PPARGC1A: variants seen among roughly 807,000 people sequenced by gnomAD.
PPARGC1A encodes peroxisome proliferator-activated receptor gamma coactivator 1-alpha.
PPARGC1A carries 25 observed loss-of-function variants against 88.7 expected under a neutral mutation model. The ratio of observed to expected loss-of-function variants is 0.28; its 90% confidence interval spans 0.21 to 0.39. PPARGC1A has a LOEUF of 0.39. Ranked by LOEUF, PPARGC1A falls within the 10% of genes least tolerant of loss-of-function variation. The pLI is 1.00. For missense variants in PPARGC1A, 880 were observed against 968.7 expected (o/e 0.91, Z 1.22); for synonymous variants, 363 against 355.6 (o/e 1.02, Z -0.24).
At chr4:24,119,651 C>CT in the PPARGC1A span, among the ~76,000 whole-genome samples, 6,193 of 152,044 alleles carry the variant, frequency 0.041, 365 homozygotes, top group African/African-American at 0.12. Flanking sequence ...TATAAATTAA[C>CT]GATTGGAGGA....
the PPARGC1A span, among the ~76,000 whole-genome samples, chr4:24,287,567 C>A: frequency 4.2e-4 from 64 of 151,498 alleles, no homozygotes; most frequent in African/African-American, 1.5e-3. Context: ...AAGAAAGTGG[C>A]CCTCTAGTGC....
the PPARGC1A span, among the ~76,000 whole-genome samples, chr4:24,000,720 TTGA>T: frequency 3.9e-5 from 6 of 152,310 alleles, no homozygotes; most frequent in African/African-American, 1.4e-4. Context: ...CATCCACGAT[TTGA>T]TGATAAATCA....
At chr4:24,189,614 C>T in the PPARGC1A span, among the ~76,000 whole-genome samples, 4 of 152,126 alleles carry the variant, frequency 2.6e-5, no homozygotes, top group African/African-American at 9.7e-5. Context: ...TTTTCACTTA[C>T]ATTCCTTGTA....
the PPARGC1A span, among the ~76,000 whole-genome samples, chr4:23,983,653 T>G: frequency 6.6e-6 from 1 of 151,984 alleles, no homozygotes; most frequent in African/African-American, 2.4e-5. Context: ...GCCTTATGCA[T>G]AGAAATATTA....
chr4:24,038,338 G>A, the PPARGC1A span, among the ~76,000 whole-genome samples: 4 of 152,176 alleles, frequency 2.6e-5, no homozygotes, highest in African/African-American at 9.7e-5. Context: ...CAGAGAGATT[G>A]ACCTGGGTGC....
chr4:24,333,811 G>A, the PPARGC1A span, among the ~76,000 whole-genome samples: 1 of 151,192 alleles, frequency 6.6e-6, no homozygotes, highest in South Asian at 2.1e-4. Flanking sequence ...GCGGGTGCCT[G>A]TAACCCCATC....
chr4:24,201,506 C>T, the PPARGC1A span, among the ~76,000 whole-genome samples: 4 of 152,342 alleles, frequency 2.6e-5, no homozygotes, highest in Middle Eastern at 6.8e-3. Flanking sequence ...AGAAGCACTT[C>T]AGCCAAGTTT....
chr4:24,340,670 G>A, the PPARGC1A span, among the ~76,000 whole-genome samples: 1 of 152,036 alleles, frequency 6.6e-6, no homozygotes, highest in Non-Finnish European at 1.5e-5. Flanking sequence ...AGTATCATTT[G>A]CCATGATGGC....
At chr4:24,160,727 T>C in the PPARGC1A span, among the ~76,000 whole-genome samples, 63 of 152,330 alleles carry the variant, frequency 4.1e-4, no homozygotes, top group Admixed American at 4.1e-3. Flanking sequence ...TCAGGGACCC[T>C]TGTTCTTCAT....
the PPARGC1A span, among the ~76,000 whole-genome samples, chr4:23,962,085 A>C: frequency 6.6e-6 from 1 of 152,210 alleles, no homozygotes; most frequent in African/African-American, 2.4e-5. Flanking sequence ...AGAAAGCCAA[A>C]TGAGCCCATC....
chr4:24,209,949 C>T, the PPARGC1A span, among the ~76,000 whole-genome samples: 1 of 152,004 alleles, frequency 6.6e-6, no homozygotes, highest in East Asian at 1.9e-4. Context: ...AGATCAAATC[C>T]CCAACTTAGC....
At chr4:23,954,946 A>G in the PPARGC1A span, among the ~76,000 whole-genome samples, 1 of 152,088 alleles carries the variant, frequency 6.6e-6, no homozygotes, top group Non-Finnish European at 1.5e-5. Flanking sequence ...TCTTTTCACT[A>G]AGCATCGCTG....
the PPARGC1A span, among the ~76,000 whole-genome samples, chr4:24,416,332 A>G: frequency 0.75 from 113,549 of 151,338 alleles, 42,772 homozygotes; most frequent in East Asian, 0.78. Flanking sequence ...GGATCAATCA[A>G]AGCAGTGACC....
the PPARGC1A span, among the ~76,000 whole-genome samples, chr4:24,333,991 A>G: frequency 2.0e-5 from 3 of 151,460 alleles, no homozygotes; most frequent in Admixed American, 2.0e-4. Flanking sequence ...GTCAGAACAT[A>G]GAAACTAGTC....
At chr4:24,171,145 C>T in the PPARGC1A span, among the ~76,000 whole-genome samples, 1 of 152,148 alleles carries the variant, frequency 6.6e-6, no homozygotes. Flanking sequence ...GGCGCGGTGG[C>T]TCACGCCTGT....
At chr4:24,456,230 T>C in the PPARGC1A span, among the ~76,000 whole-genome samples, 15 of 152,224 alleles carry the variant, frequency 9.9e-5, no homozygotes, top group Admixed American at 3.3e-4. Context: ...AACTGATGCA[T>C]TGAAGTCCTG....
chr4:23,821,592 TAAG>T (rs1723024020), intron 7 of PPARGC1A, among the ~76,000 whole-genome samples: 1 of 152,020 alleles, frequency 6.6e-6, no homozygotes, highest in South Asian at 2.1e-4. Context: ...GTTGGAAAGA[TAAG>T]AAGTAAGGTA....
chr4:24,249,210 G>T, the PPARGC1A span, among the ~76,000 whole-genome samples: 1 of 151,680 alleles, frequency 6.6e-6, no homozygotes, highest in African/African-American at 2.4e-5. Flanking sequence ...AAACTTCCCA[G>T]ATATAAATAA....
At chr4:23,882,465 G>A (rs1716132142) in intron 2 of PPARGC1A, among the ~76,000 whole-genome samples, 1 of 152,052 alleles carries the variant, frequency 6.6e-6, no homozygotes, top group South Asian at 2.1e-4. Context: ...TGTCCTGTAG[G>A]CTGTTGGATG....
Sources: gnomAD v4.1 joint callset for allele counts (sites outside exome capture counted in the v4.1 genomes callset) on GRCh38, gnomAD v4.1.1 for gene constraint, MANE v1.5 for transcripts, NCBI Gene and HGNC (gene_info 2026-07-23, HGNC 2026-07-21) for gene names.